The following HS3ST4 variants were observed in gnomAD, a reference collection of about 807,000 sequenced individuals.
HS3ST4 encodes the protein heparan sulfate glucosamine 3-O-sulfotransferase 4.
Under a neutral mutation model 29.2 loss-of-function variants are expected in HS3ST4, and 17 were observed. That is an observed-to-expected ratio of 0.58 (90% CI 0.40 to 0.87). The LOEUF (loss-of-function observed/expected upper bound fraction) is 0.87. Among genes scored for constraint, HS3ST4 ranks in the 40% least tolerant of loss-of-function variants. HS3ST4 has a pLI of 0.00. For synonymous variants in HS3ST4, 314 were observed against 285.7 expected (o/e 1.10, Z -1.00); for missense variants, 627 against 634.5 (o/e 0.99, Z 0.13).
chr16:25,954,209 A>C (rs1968706253), intron 1 of HS3ST4, among the ~76,000 whole-genome samples: 1 of 152,210 alleles, frequency 6.6e-6, no homozygotes, highest in South Asian at 2.1e-4. Flanking sequence ...TGTCAAAGAA[A>C]AAGAATTAAC....
At chr16:26,071,064 G>A (rs1437375443) in intron 1 of HS3ST4, among the ~76,000 whole-genome samples, 1 of 152,188 alleles carries the variant, frequency 6.6e-6, no homozygotes, top group African/African-American at 2.4e-5. Flanking sequence ...TGCAAAGTGT[G>A]TTTTAAAAAG....
chr16:25,717,009 G>A (rs1435660889), intron 1 of HS3ST4, among the ~76,000 whole-genome samples: 1 of 151,946 alleles, frequency 6.6e-6, no homozygotes, highest in East Asian at 1.9e-4. Context: ...AGCCGAGTTC[G>A]GGCCATTGCA....
intron 1 of HS3ST4, among the ~76,000 whole-genome samples, chr16:25,868,063 G>T (rs1967713859): frequency 6.6e-6 from 1 of 152,090 alleles, no homozygotes; most frequent in Non-Finnish European, 1.5e-5. Flanking sequence ...AGGCAATAAA[G>T]GCCCTAGGAT....
chr16:25,986,873 T>C (rs749879422), intron 1 of HS3ST4, among the ~76,000 whole-genome samples: 1 of 152,232 alleles, frequency 6.6e-6, no homozygotes, highest in Non-Finnish European at 1.5e-5. Context: ...TGGCAGTTTG[T>C]TTTGCCACTG....
At chr16:25,990,881 A>G (rs558248983) in intron 1 of HS3ST4, among the ~76,000 whole-genome samples, 1 of 152,316 alleles carries the variant, frequency 6.6e-6, no homozygotes, top group East Asian at 1.9e-4. Context: ...CATTGTGATG[A>G]CAGCGTCTCT....
chr16:26,036,845 G>A (rs1049589337), intron 1 of HS3ST4, among the ~76,000 whole-genome samples: 5 of 152,130 alleles, frequency 3.3e-5, no homozygotes, highest in African/African-American at 1.2e-4. Context: ...AGAATGCATT[G>A]GAAAGAGCTC....
intron 1 of HS3ST4, among the ~76,000 whole-genome samples, chr16:25,880,744 G>T (rs1396027934): frequency 6.6e-6 from 1 of 152,148 alleles, no homozygotes; most frequent in Non-Finnish European, 1.5e-5. Flanking sequence ...ATTAAGAAAT[G>T]AAATAATAGA....
At chr16:25,976,127 G>A (rs1968940893) in intron 1 of HS3ST4, among the ~76,000 whole-genome samples, 1 of 152,184 alleles carries the variant, frequency 6.6e-6, no homozygotes, top group Admixed American at 6.5e-5. Flanking sequence ...ACCCTCAACA[G>A]CAATGAATTT....
intron 1 of HS3ST4, among the ~76,000 whole-genome samples, chr16:25,763,756 T>C (rs931138993): frequency 3.3e-5 from 5 of 152,178 alleles, no homozygotes; most frequent in Non-Finnish European, 7.3e-5. Context: ...CAATGAAGGC[T>C]TCAGATGCCA....
At chr16:26,103,610 C>T (rs1441011135) in intron 1 of HS3ST4, among the ~76,000 whole-genome samples, 1 of 152,162 alleles carries the variant, frequency 6.6e-6, no homozygotes, top group African/African-American at 2.4e-5. Flanking sequence ...TCAAAGGAAC[C>T]TATCTGGCTA....
intron 1 of HS3ST4, among the ~76,000 whole-genome samples, chr16:25,710,312 T>C (rs1441846863): frequency 6.6e-6 from 1 of 152,226 alleles, no homozygotes; most frequent in Non-Finnish European, 1.5e-5. Flanking sequence ...GAGAAAATTA[T>C]ATCCTGGAGG....
At chr16:25,759,649 G>T (rs571142786) in intron 1 of HS3ST4, among the ~76,000 whole-genome samples, 12 of 152,336 alleles carry the variant, frequency 7.9e-5, no homozygotes, top group African/African-American at 2.9e-4. Flanking sequence ...AGCCAGCGAG[G>T]CTCAGTGGCC....
intron 1 of HS3ST4, among the ~76,000 whole-genome samples, chr16:25,842,750 C>T (rs759336307): frequency 2.0e-5 from 3 of 152,164 alleles, no homozygotes; most frequent in Non-Finnish European, 4.4e-5. Flanking sequence ...ATCCTATAGA[C>T]ACTCTGTCTG....
At chr16:26,068,472 G>A (rs900559218) in intron 1 of HS3ST4, among the ~76,000 whole-genome samples, 2 of 151,968 alleles carry the variant, frequency 1.3e-5, no homozygotes, top group African/African-American at 4.8e-5. Flanking sequence ...AGACATCAAG[G>A]GTCTTCCCCA....
At chr16:25,701,276 C>A (rs1341562080) in intron 1 of HS3ST4, among the ~76,000 whole-genome samples, 1 of 152,242 alleles carries the variant, frequency 6.6e-6, no homozygotes, top group East Asian at 1.9e-4. Context: ...ATGCCTTGGG[C>A]CCAGGTTGGG....
intron 1 of HS3ST4, among the ~76,000 whole-genome samples, chr16:25,887,310 G>A (rs1038930341): frequency 3.3e-5 from 5 of 152,098 alleles, no homozygotes; most frequent in African/African-American, 1.2e-4. Flanking sequence ...AGGTGGCACA[G>A]GGAAGGGAAA....
chr16:25,693,818 C>T (rs1355645681), intron 1 of HS3ST4, among the ~76,000 whole-genome samples: 4 of 152,134 alleles, frequency 2.6e-5, no homozygotes, highest in Admixed American at 2.0e-4. Flanking sequence ...AGTTTTTATG[C>T]CTCAGACCGT....
intron 1 of HS3ST4, among the ~76,000 whole-genome samples, chr16:26,035,095 C>T (rs954145276): frequency 6.6e-6 from 1 of 152,176 alleles, no homozygotes; most frequent in Admixed American, 6.5e-5. Flanking sequence ...TTTTAATGAA[C>T]TCAAATCACA....
chr16:25,967,958 A>G (rs1235177517), intron 1 of HS3ST4, among the ~76,000 whole-genome samples: 1 of 152,182 alleles, frequency 6.6e-6, no homozygotes, highest in East Asian at 1.9e-4. Flanking sequence ...TTCTCATTAG[A>G]TGGGATAAGA....
Sources: gnomAD v4.1 joint callset for allele counts (sites outside exome capture counted in the v4.1 genomes callset) on GRCh38, gnomAD v4.1.1 for gene constraint, MANE v1.5 for transcripts, NCBI Gene and HGNC (gene_info 2026-07-23, HGNC 2026-07-21) for gene names.